Variants in ULK4 observed in about 807,000 individuals in gnomAD.
ULK4 encodes unc-51 like kinase 4, also known as inactive serine/threonine-protein kinase ULK4.
Under a neutral mutation model 160.6 loss-of-function variants are expected in ULK4, and 133 were observed. The ratio of observed to expected loss-of-function variants is 0.83; its 90% CI spans 0.72 to 0.96. The LOEUF (loss-of-function observed/expected upper bound fraction) is 0.96. Ranked by LOEUF, ULK4 falls within the 40% of genes least tolerant of loss-of-function variation. ULK4 has a pLI of 0.00. For synonymous variants in ULK4, 534 were observed against 539.8 expected (o/e 0.99, Z 0.15); for missense variants, 1,580 against 1,499.5 (o/e 1.05, Z -0.89).
intron 31 of ULK4, among the ~76,000 whole-genome samples, chr3:41,572,697 C>T (rs1481739544): frequency 6.7e-6 from 1 of 148,328 alleles, no homozygotes; most frequent in Non-Finnish European, 1.5e-5. Flanking sequence ...ACCCAGGAGG[C>T]GGAGCTTGCA....
chr3:41,535,443 T>A (rs973929111), intron 32 of ULK4, among the ~76,000 whole-genome samples: 4 of 152,220 alleles, frequency 2.6e-5, no homozygotes, highest in African/African-American at 9.6e-5. Context: ...CAGAGAACAA[T>A]CATTTCTACT....
At chr3:41,734,128 T>C (rs1172511704) in intron 22 of ULK4, among the ~76,000 whole-genome samples, 7 of 152,078 alleles carry the variant, frequency 4.6e-5, no homozygotes, top group Non-Finnish European at 1.5e-5. Flanking sequence ...GAAGATCAGT[T>C]AGGAGACCAG....
intron 35 of ULK4, among the ~76,000 whole-genome samples, chr3:41,278,705 G>A (rs1250134012): frequency 2.0e-5 from 3 of 152,106 alleles, no homozygotes; most frequent in South Asian, 2.1e-4. Flanking sequence ...TGCACCTGAG[G>A]GGCCTGTTAG....
At chr3:41,706,889 G>GTATATATA (rs1237594470) in intron 25 of ULK4, among the ~76,000 whole-genome samples, 3 of 115,664 alleles carry the variant, frequency 2.6e-5, no homozygotes, top group African/African-American at 1.0e-4. Flanking sequence ...GTGTGTGTGT[G>GTATATATA]TATATATATA....
In ULK4 at chr3:41,842,196, AAAAG is replaced by A. The variant is rs1559599793; in HGVS notation, c.1657-6229_1657-6226del. Among the ~76,000 whole-genome samples the A allele has an allele frequency of 3.0e-5, 4 of 132,064 alleles. 1 individual carries two copies. The highest frequency in any genetic ancestry group is 4.3e-5 in the African/African-American group (1 of 23,490). 86.6% of individuals were successfully genotyped at this position (132,064 alleles called of 152,430 possible). On this transcript the variant is annotated intron_variant, in intron 17 of 36. Transcript: ENST00000301831. Reference sequence around the variant, plus strand: ...GAACATGTAAAAAAAAAAATAAAAAAAAAGAAGACTAAGGTGGGAGGACTGCTTG... The same window carrying A: ...GAACATGTAAAAAAAAAAATAAAAAAAAGACTAAGGTGGGAGGACTGCTTG...
At chr3:41,309,849 A>C (rs1413226619) in intron 35 of ULK4, among the ~76,000 whole-genome samples, 1 of 152,198 alleles carries the variant, frequency 6.6e-6, no homozygotes, top group Non-Finnish European at 1.5e-5. Context: ...AATAATAAGC[A>C]AATGAATTTT....
chr3:41,877,155 T>G (rs1697335183), intron 17 of ULK4, among the ~76,000 whole-genome samples: 1 of 152,206 alleles, frequency 6.6e-6, no homozygotes, highest in East Asian at 1.9e-4. Context: ...TTATATAAAT[T>G]GCTTTTAAAA....
intron 35 of ULK4, among the ~76,000 whole-genome samples, chr3:41,364,646 T>C (rs757268311): frequency 6.6e-5 from 10 of 152,204 alleles, no homozygotes; most frequent in Non-Finnish European, 1.3e-4. Flanking sequence ...CATTATCATT[T>C]AATAAGGAAA....
chr3:41,843,246 A>G (rs1176707835), intron 17 of ULK4, among the ~76,000 whole-genome samples: 3 of 152,222 alleles, frequency 2.0e-5, no homozygotes, highest in Non-Finnish European at 4.4e-5. Context: ...TTAAAACCAA[A>G]ATAAGATATC....
chr3:41,879,930 A>T (rs943396132), intron 17 of ULK4, among the ~76,000 whole-genome samples: 3 of 152,108 alleles, frequency 2.0e-5, no homozygotes, highest in African/African-American at 7.2e-5. Flanking sequence ...CAGCCTGGCC[A>T]ACATGGTGAA....
At chr3:41,840,442 C>G (rs1575806220) in intron 17 of ULK4, among the ~76,000 whole-genome samples, 1 of 152,230 alleles carries the variant, frequency 6.6e-6, no homozygotes, top group Non-Finnish European at 1.5e-5. Flanking sequence ...CTGCCGTGGT[C>G]TCAGCTCGCT....
chr3:41,257,233 A>G (rs1039958962), intron 35 of ULK4, among the ~76,000 whole-genome samples: 1 of 152,212 alleles, frequency 6.6e-6, no homozygotes, highest in African/African-American at 2.4e-5. Flanking sequence ...CACTGACAAT[A>G]ACAATGTTGG....
chr3:41,580,249 G>A (rs1005930075), intron 31 of ULK4, among the ~76,000 whole-genome samples: 5 of 152,164 alleles, frequency 3.3e-5, no homozygotes, highest in Admixed American at 6.5e-5. Context: ...TTTAGGAGAC[G>A]TCCCTGAGCT....
intron 31 of ULK4, among the ~76,000 whole-genome samples, chr3:41,597,358 T>C (rs2031761745): frequency 6.6e-6 from 1 of 152,202 alleles, no homozygotes; most frequent in Non-Finnish European, 1.5e-5. Context: ...TTTTTCCCTT[T>C]AGGCTCAAAA....
intron 29 of ULK4, among the ~76,000 whole-genome samples, chr3:41,680,573 T>C (rs998001879): frequency 1.3e-5 from 2 of 152,202 alleles, no homozygotes; most frequent in African/African-American, 4.8e-5. Context: ...AACCTAATAT[T>C]ATATGAGAGA....
chr3:41,758,899 C>A (rs1407590966), intron 21 of ULK4, among the ~76,000 whole-genome samples: 1 of 151,552 alleles, frequency 6.6e-6, no homozygotes, highest in Non-Finnish European at 1.5e-5. Context: ...AGGTGTAATT[C>A]ATCATAATTA....
At chr3:41,475,386 G>T (rs947846369) in intron 32 of ULK4, among the ~76,000 whole-genome samples, 5 of 152,122 alleles carry the variant, frequency 3.3e-5, no homozygotes, top group African/African-American at 1.2e-4. Context: ...ATCTCAATTA[G>T]ACAGAAGAAA....
At chr3:41,880,949 A>G (rs1697495375) in intron 17 of ULK4, among the ~76,000 whole-genome samples, 1 of 152,106 alleles carries the variant, frequency 6.6e-6, no homozygotes, top group Admixed American at 6.6e-5. Context: ...AAGTAAAATA[A>G]AATAAGATGC....
At chr3:41,683,208 T>TA (rs1378891500) in intron 27 of ULK4, among the ~76,000 whole-genome samples, 1 of 152,086 alleles carries the variant, frequency 6.6e-6, no homozygotes, top group African/African-American at 2.4e-5. Context: ...GGCTTTTACT[T>TA]AAAGAATTCC....
Sources: allele counts gnomAD v4.1 joint callset (sites outside exome capture counted in the v4.1 genomes callset), GRCh38; gene constraint gnomAD v4.1.1; transcripts MANE v1.5; gene names NCBI Gene and HGNC (gene_info 2026-07-23, HGNC 2026-07-21).